BCLAF1: variants seen among roughly 807,000 people sequenced by gnomAD.
BCLAF1 encodes the protein BCL2 associated transcription factor 1, also known as bcl-2-associated transcription factor 1.
A neutral mutation model predicts 99.5 loss-of-function variants in BCLAF1; 10 were observed. The observed-to-expected ratio is 0.10, with a 90% CI of 0.06 to 0.17. The LOEUF (loss-of-function observed/expected upper bound fraction) is 0.17, where lower values mean the gene tolerates loss of function less well. Ranked by LOEUF, BCLAF1 falls within the 10% of genes least tolerant of loss-of-function variation. The pLI is 1.00. For synonymous variants in BCLAF1, 255 were observed against 370.9 expected (o/e 0.69, Z 3.59); for missense variants, 636 against 1,105.8 (o/e 0.58, Z 6.02).
rs760897344 is a variant in BCLAF1, at chr6:136,276,131, C to T, written c.1394G>A (p.Gly465Glu). ...AGTGCTAGGCCTTTCCACTACATATCCAGTCTCTTTAAGTTTATAATTTTT... is the reference window on the plus strand; with the variant it reads ...AGTGCTAGGCCTTTCCACTACATATTCAGTCTCTTTAAGTTTATAATTTTT... Reference protein sequence around the residue: ...EEKNYKLKETGYVVERPSTTK... With the variant: ...EEKNYKLKETEYVVERPSTTK... The change falls in exon 5 of 13, where the codon GGA becomes GAA. Residue 465 changes from glycine (G) to glutamate (E), a missense_variant. Transcript: ENST00000531224. The T allele has an allele frequency of 9.3e-6, 15 of 1,613,104 alleles. No homozygotes were observed. The highest frequency in any genetic ancestry group is 1.2e-5 in the Non-Finnish European group (14 of 1,179,854).
At position 136,261,128 on chromosome 6, in the gene BCLAF1, G is replaced by A. The variant is rs1562226888; in HGVS notation, c.2758-13C>T. The A allele has an allele frequency of 1.9e-6, 3 of 1,576,750 alleles. No homozygotes were observed. On this transcript the variant is annotated splice_polypyrimidine_tract_variant and intron_variant, in intron 12 of 12. Transcript: ENST00000531224. ...ATATTTATTATTCCTAAAAGAGAGA[G>A]AAAAAATTAAAGATTAACAAAAGAT...
Position 136,279,858 on chromosome 6 carries a change from G to A in BCLAF1, c.9C>T (p.Arg3=). 1 of 1,527,242 alleles carries A rather than the reference G, an allele frequency of 6.5e-7. No individual in the cohort carries two copies. Among genetic ancestry groups the A allele is most frequent in the Non-Finnish European group, 8.8e-7 (1 of 1,132,482 alleles). The allele number at this position is 1,527,242 out of a possible 1,614,324, so 94.6% of individuals were successfully genotyped here. A position where few individuals can be genotyped will look rare whatever the true frequency, so the allele number is the denominator to read the frequency against. The change falls in exon 3 of 13, where the codon CGC becomes CGT. Residue 3 remains arginine, a synonymous_variant. Coordinates refer to ENST00000531224, the MANE Select transcript of BCLAF1 (RefSeq NM_014739.3). MG[R]SNSRSHSSRS... is the part of the protein sequence containing the mutation. Reference sequence around the variant, plus strand: ...TTGAAGAATGTGATCTAGAATTGGAGCGACCCATTTCTTTTCTCCTAATCA... The same window carrying A: ...TTGAAGAATGTGATCTAGAATTGGAACGACCCATTTCTTTTCTCCTAATCA...
intron 10 of BCLAF1, 129 bp downstream of exon 10, chr6:136,268,033 C>T (rs1781962350): frequency 2.1e-6 from 2 of 932,060 alleles, no homozygotes; most frequent in South Asian, 2.7e-5. Flanking sequence ...CTTCATGTTT[C>T]AATACTATCT....
At chr6:136,285,315 G>T (rs891435910) in intron 1 of BCLAF1, among the ~76,000 whole-genome samples, 6 of 152,208 alleles carry the variant, frequency 3.9e-5, no homozygotes, top group African/African-American at 1.2e-4. Context: ...TACAGAGAGT[G>T]AGGAAAAATG....
chr6:136,288,853 C>G (rs914872183), intron 1 of BCLAF1, among the ~76,000 whole-genome samples: 3 of 152,208 alleles, frequency 2.0e-5, no homozygotes, highest in South Asian at 2.1e-4. Flanking sequence ...TCTGACACGA[C>G]TAAATGGGCT....
intron 2 of BCLAF1, among the ~76,000 whole-genome samples, chr6:136,280,814 T>G (rs1259918721): frequency 6.6e-6 from 1 of 151,558 alleles, no homozygotes; most frequent in African/African-American, 2.4e-5. Flanking sequence ...ATGATTAGAT[T>G]ATATCTTAGC....
chr6:136,266,579 T>C (rs913460507), intron 11 of BCLAF1, among the ~76,000 whole-genome samples: 2 of 152,092 alleles, frequency 1.3e-5, no homozygotes, highest in Non-Finnish European at 2.9e-5. Flanking sequence ...ATCATCTTTT[T>C]TCTCCAATGA....
intron 8 of BCLAF1, chr6:136,270,474 G>A (rs1782356349): frequency 6.6e-6 from 1 of 151,808 alleles, no homozygotes; most frequent in East Asian, 1.9e-4. Flanking sequence ...TTTACTCTGG[G>A]AAGTCTGGCT....
intron 1 of BCLAF1, among the ~76,000 whole-genome samples, chr6:136,285,846 T>A (rs1285180623): frequency 3.9e-5 from 6 of 152,160 alleles, no homozygotes; most frequent in African/African-American, 1.4e-4. Flanking sequence ...ACGCCTGTAA[T>A]CCCAGCACTT....
At chr6:136,269,641 T>C in intron 8 of BCLAF1, 29 bp from the exon 9 acceptor site, 2 of 1,528,344 alleles carry the variant, frequency 1.3e-6, no homozygotes, top group South Asian at 1.3e-5. Context: ...AAATACAGAT[T>C]TCAGGGGAGA....
chr6:136,289,455 C>T (rs927591466), intron 1 of BCLAF1, among the ~76,000 whole-genome samples: 2 of 152,162 alleles, frequency 1.3e-5, no homozygotes, highest in Non-Finnish European at 2.9e-5. Context: ...GCCGCGCGGG[C>T]TGTGGGTCTC....
chr6:136,289,394 G>A (rs1195452288), intron 1 of BCLAF1, among the ~76,000 whole-genome samples: 1 of 152,188 alleles, frequency 6.6e-6, no homozygotes, highest in African/African-American at 2.4e-5. Flanking sequence ...GGTACGGGCT[G>A]AAGAAATGGG....
At chr6:136,265,346 A>G (rs1237612959) in intron 11 of BCLAF1, among the ~76,000 whole-genome samples, 1 of 152,176 alleles carries the variant, frequency 6.6e-6, no homozygotes, top group Non-Finnish European at 1.5e-5. Context: ...CCTGTTCAGA[A>G]CAGAACTTAA....
At chr6:136,270,245 C>G (rs1409894029) in intron 8 of BCLAF1, 1 of 151,910 alleles carries the variant, frequency 6.6e-6, no homozygotes, top group African/African-American at 2.4e-5. Context: ...ATCCTGTACT[C>G]AGTATCTTGG....
rs879553249 is a variant in BCLAF1, at chr6:136,284,116, ATG to A, written c.-114-1431_-114-1430del. On this transcript the variant is annotated intron_variant, in intron 1 of 12. Transcript: ENST00000531224. ...AATTTATATATATATATACATATAT[ATG>A]TGTGTGTGTGTGTATATATATATAT... 1.8e-3 allele frequency among the ~76,000 whole-genome samples: 217 copies of A among 119,942 alleles called. 3 individuals carry two copies. Among genetic ancestry groups the A allele is most frequent in the African/African-American group, 6.7e-3 (191 of 28,710 alleles). The allele number at this position is 119,942 out of a possible 152,430, so 78.7% of individuals were successfully genotyped here.
At chr6:136,267,225 G>C (rs779645066) in intron 10 of BCLAF1, 50 bp from the exon 11 acceptor site, 7 of 1,563,612 alleles carry the variant, frequency 4.5e-6, no homozygotes, top group Non-Finnish European at 5.2e-6. Context: ...AAGGTATTTA[G>C]TTACATGCAA....
intron 1 of BCLAF1, among the ~76,000 whole-genome samples, chr6:136,282,919 A>C (rs538808178): frequency 6.6e-6 from 1 of 152,098 alleles, no homozygotes; most frequent in Non-Finnish European, 1.5e-5. Flanking sequence ...CTTTTTAACT[A>C]CTTGAATTCT....
At chr6:136,266,008 A>G (rs139858384) in intron 11 of BCLAF1, among the ~76,000 whole-genome samples, 2 of 152,304 alleles carry the variant, frequency 1.3e-5, no homozygotes, top group East Asian at 3.9e-4. Context: ...CAAGAAGCAT[A>G]AACTGAGAAA....
At position 136,257,131 on chromosome 6, in the gene BCLAF1, TTTTC is replaced by T. The variant is rs1306829295; in HGVS notation, c.*3975_*3978del. On this transcript the variant is annotated 3_prime_UTR_variant, in exon 13 of 13. Coordinates refer to ENST00000531224, the MANE Select transcript of BCLAF1 (RefSeq NM_014739.3). Reference sequence around the variant, plus strand: ...GCATTAAAGCCTGCTCACCCAACCTTTTTCTATTTTCAAGAATATTACCTTCTGC... The same window carrying T: ...GCATTAAAGCCTGCTCACCCAACCTTTATTTTCAAGAATATTACCTTCTGC... 1 of 152,170 alleles carries T rather than the reference TTTTC, an allele frequency of 6.6e-6. No individual in the cohort carries two copies. Among genetic ancestry groups the T allele is most frequent in the Non-Finnish European group, 1.5e-5 (1 of 68,018 alleles). The allele number at this position is 152,170 out of a possible 1,614,324, so 9.4% of individuals were successfully genotyped here. A position where few individuals can be genotyped will look rare whatever the true frequency, so the allele number is the denominator to read the frequency against.
Sources: allele counts gnomAD v4.1 joint callset (sites outside exome capture counted in the v4.1 genomes callset), GRCh38; gene constraint gnomAD v4.1.1; transcripts MANE v1.5; gene names NCBI Gene and HGNC (gene_info 2026-07-23, HGNC 2026-07-21).